The following COL5A2 variants were observed in gnomAD, a reference collection of about 807,000 sequenced individuals.
COL5A2 encodes collagen alpha-2(V) chain.
A neutral mutation model predicts 208.2 loss-of-function variants in COL5A2; 23 were observed. That is an observed-to-expected ratio of 0.11 (90% CI 0.08 to 0.16). COL5A2 has a LOEUF of 0.16. Among genes scored for constraint, COL5A2 ranks in the 10% least tolerant of loss-of-function variants. The probability of loss-of-function intolerance (pLI) is 1.00; values close to 1 mark genes in which losing one functional copy is unlikely to be tolerated. For missense variants in COL5A2, 1,590 were observed against 1,956.4 expected (o/e 0.81, Z 3.53); for synonymous variants, 625 against 628.5 (o/e 0.99, Z 0.08).
the COL5A2 span, among the ~76,000 whole-genome samples, chr2:189,289,194 T>C: frequency 6.6e-6 from 1 of 151,780 alleles, no homozygotes; most frequent in Non-Finnish European, 1.5e-5. Context: ...ATACAAAAAT[T>C]AGCTGGGCGT....
At chr2:189,118,685 T>A (rs1406982203) in intron 1 of COL5A2, among the ~76,000 whole-genome samples, 1 of 152,164 alleles carries the variant, frequency 6.6e-6, no homozygotes, top group Non-Finnish European at 1.5e-5. Context: ...CCTCTGGAGC[T>A]CAGTTCTGGA....
chr2:189,115,652 G>A (rs1401630956), intron 1 of COL5A2, among the ~76,000 whole-genome samples: 2 of 152,162 alleles, frequency 1.3e-5, no homozygotes, highest in South Asian at 2.1e-4. Flanking sequence ...ACAGGTTTGT[G>A]CTGATCATTT....
At position 189,060,705 on chromosome 2, in the gene COL5A2, C is replaced by T. The variant is rs1409464570; in HGVS notation, c.2085+25G>A. 3.8e-6 allele frequency: 6 copies of T among 1,590,550 alleles called. No homozygotes were observed. In the Admixed American group the frequency reaches 5.0e-5, roughly 13 times the overall value. On this transcript the variant is annotated intron_variant, in intron 31 of 53. Transcript: ENST00000374866. Reference sequence around the variant, plus strand: ...ATTGAGCCAGCAATGTATAGTGTTGCCATTATTATTATTTAAACACTTACT... The same window carrying T: ...ATTGAGCCAGCAATGTATAGTGTTGTCATTATTATTATTTAAACACTTACT...
the COL5A2 span, among the ~76,000 whole-genome samples, chr2:189,318,077 T>C: frequency 6.6e-6 from 1 of 152,174 alleles, no homozygotes; most frequent in Non-Finnish European, 1.5e-5. Flanking sequence ...GTGCACAATA[T>C]ACAGAACCAA....
the COL5A2 span, among the ~76,000 whole-genome samples, chr2:189,355,158 T>C: frequency 6.6e-6 from 1 of 152,232 alleles, no homozygotes; most frequent in East Asian, 1.9e-4. Flanking sequence ...TTTGTTATGA[T>C]TTCCATTCTT....
At chr2:189,213,616 C>A (rs1374968079) in intron 1 of COL5A2, among the ~76,000 whole-genome samples, 5 of 152,188 alleles carry the variant, frequency 3.3e-5, no homozygotes, top group African/African-American at 1.2e-4. Context: ...AGGCTATGGC[C>A]TGGGTTCCTC....
the COL5A2 span, among the ~76,000 whole-genome samples, chr2:189,408,832 A>AT: frequency 6.6e-6 from 1 of 152,134 alleles, no homozygotes; most frequent in Non-Finnish European, 1.5e-5. Flanking sequence ...AGTCTGTCAA[A>AT]TTTTTTGATA....
At chr2:189,313,561 CATG>C in the COL5A2 span, among the ~76,000 whole-genome samples, 6 of 152,174 alleles carry the variant, frequency 3.9e-5, no homozygotes, top group African/African-American at 1.4e-4. Flanking sequence ...TAGCTAACAT[CATG>C]ATGACAGGAT....
Position 189,078,532 on chromosome 2 carries a change from C to T in COL5A2, c.1043G>A (p.Gly348Glu). The T allele has an allele frequency of 6.2e-7, 1 of 1,612,424 alleles. No individual in the cohort carries two copies. The highest frequency in any genetic ancestry group is 8.5e-7 in the Non-Finnish European group (1 of 1,178,532). The change falls in exon 16 of 54, where the codon GGG (glycine) becomes GAG (glutamate). Residue 348 changes from glycine (G) to glutamate (E), a missense_variant. Coordinates refer to ENST00000374866, the MANE Select transcript of COL5A2 (RefSeq NM_000393.5). The stretch of plus-strand genomic sequence containing the variant: ...TATACTTACAGGAGCACCCTGTGGC[C>T]CAAGTCTCCCTCTCTCTCCTGGCAT... ...RGMPGERGRL[G>E]PQGAPGQRGA...
At chr2:189,158,186 T>A (rs1688292443) in intron 1 of COL5A2, among the ~76,000 whole-genome samples, 1 of 152,038 alleles carries the variant, frequency 6.6e-6, no homozygotes, top group Non-Finnish European at 1.5e-5. Flanking sequence ...TAATGACTTT[T>A]ATGAGTAATT....
chr2:189,068,666 G>C, intron 19 of COL5A2, 120 bp downstream of exon 19: 1 of 743,642 alleles, frequency 1.3e-6, no homozygotes, highest in Non-Finnish European at 2.4e-6. Context: ...GAACATTACA[G>C]GTACCCCCTA....
the COL5A2 span, among the ~76,000 whole-genome samples, chr2:189,316,044 C>G: frequency 6.6e-6 from 1 of 152,148 alleles, no homozygotes; most frequent in Admixed American, 6.5e-5. Flanking sequence ...TTGTGGAAGA[C>G]AGTGTGGCAA....
At chr2:189,372,910 T>C in the COL5A2 span, among the ~76,000 whole-genome samples, 95 of 152,282 alleles carry the variant, frequency 6.2e-4, 3 homozygotes, top group South Asian at 0.019. Context: ...CAAACAAGCT[T>C]TATTTTGAAT....
At chr2:189,156,004 C>G (rs1688239120) in intron 1 of COL5A2, among the ~76,000 whole-genome samples, 1 of 152,140 alleles carries the variant, frequency 6.6e-6, no homozygotes, top group Non-Finnish European at 1.5e-5. Flanking sequence ...ATGATTCCTG[C>G]TTTTGTCATC....
the COL5A2 span, among the ~76,000 whole-genome samples, chr2:189,248,944 A>C: frequency 6.6e-6 from 1 of 152,258 alleles, no homozygotes; most frequent in East Asian, 1.9e-4. Flanking sequence ...AATTCCAATA[A>C]ATAGGAGGTG....
At chr2:189,192,905 C>A (rs1240770064) in intron 1 of COL5A2, among the ~76,000 whole-genome samples, 1 of 152,080 alleles carries the variant, frequency 6.6e-6, no homozygotes, top group Admixed American at 6.6e-5. Flanking sequence ...TGCTACTTAT[C>A]ACAAGAGTGC....
the COL5A2 span, among the ~76,000 whole-genome samples, chr2:189,279,350 CTAAATGACAGATATT>C: frequency 6.6e-6 from 1 of 151,654 alleles, no homozygotes; most frequent in African/African-American, 2.4e-5. Context: ...AAAGAGAAAT[CTAAATGACAGATATT>C]TAAATGACGG....
the COL5A2 span, among the ~76,000 whole-genome samples, chr2:189,410,180 T>C: frequency 6.6e-6 from 1 of 152,212 alleles, no homozygotes; most frequent in African/African-American, 2.4e-5. Context: ...TTTCTACATA[T>C]ACACTTTGAA....
chr2:189,439,472 C>T, the COL5A2 span, among the ~76,000 whole-genome samples: 1 of 152,134 alleles, frequency 6.6e-6, no homozygotes, highest in Non-Finnish European at 1.5e-5. Flanking sequence ...AAGGACAAAA[C>T]CAATATGGTT....
Sources: gnomAD v4.1 joint callset for allele counts (sites outside exome capture counted in the v4.1 genomes callset) on GRCh38, gnomAD v4.1.1 for gene constraint, MANE v1.5 for transcripts, NCBI Gene and HGNC (gene_info 2026-07-23, HGNC 2026-07-21) for gene names.